The following RTN4 variants were observed in gnomAD, a reference collection of about 807,000 sequenced individuals.
The protein encoded by RTN4 is reticulon 4, also known as reticulon-4.
Under a neutral mutation model 90.4 loss-of-function variants are expected in RTN4, and 32 were observed. The ratio of observed to expected loss-of-function variants is 0.35; its 90% CI spans 0.27 to 0.48. The LOEUF is 0.48. Among genes scored for constraint, RTN4 ranks in the 20% least tolerant of loss-of-function variants. The pLI is 0.99. For synonymous variants in RTN4, 629 were observed against 552.5 expected, an observed-to-expected ratio of 1.14 and a Z score of -1.94; for missense variants, 1,706 against 1,430.2, an observed-to-expected ratio of 1.19 and a Z score of -3.11.
chr2:54,996,158 C>T (rs1343804855), intron 3 of RTN4, among the ~76,000 whole-genome samples: 3 of 152,028 alleles, frequency 2.0e-5, no homozygotes, highest in Non-Finnish European at 4.4e-5. Flanking sequence ...AAAAGAATTT[C>T]AAGACATATG....
chr2:55,092,534 C>T (rs1300499167), intron 1 of RTN4, among the ~76,000 whole-genome samples: 3 of 152,162 alleles, frequency 2.0e-5, no homozygotes, highest in East Asian at 1.9e-4. Flanking sequence ...GTGCCCGGCC[C>T]GAAGGAAGAG....
Position 55,026,114 on chromosome 2 carries a change from G to T in RTN4, c.1985C>A (p.Ala662Asp). Residue 662 changes from alanine to aspartate, a missense_variant, in exon 3 of 9, where the codon GCC becomes GAC. Ala to Asp is a moderately radical substitution (Grantham distance 126). Transcript: ENST00000337526. Reference protein sequence around the residue: ...EPENPPPYEEAMSVSLKKVSG... With the variant: ...EPENPPPYEEDMSVSLKKVSG... ...TACTTTTTTTAGTGATACACTCATG[G>T]CCTCTTCATATGGTGGGGGGTTTTC... 6.2e-7 allele frequency: 1 copy of T among 1,613,264 alleles called. No homozygotes were observed. Among genetic ancestry groups the T allele is most frequent in the Non-Finnish European group, 8.5e-7 (1 of 1,179,764 alleles).
At chr2:55,129,290 T>C in the RTN4 span, among the ~76,000 whole-genome samples, 2 of 151,554 alleles carry the variant, frequency 1.3e-5, no homozygotes, top group South Asian at 4.2e-4. Flanking sequence ...TTAGCAACCA[T>C]TAGTCTGGGC....
the RTN4 span, among the ~76,000 whole-genome samples, chr2:55,120,534 C>A: frequency 6.6e-6 from 1 of 152,018 alleles, no homozygotes; most frequent in Non-Finnish European, 1.5e-5. Context: ...AGTCAGAAGA[C>A]GAGCAGGAGA....
At chr2:55,096,250 C>T (rs1023273667) in intron 1 of RTN4, among the ~76,000 whole-genome samples, 3 of 151,826 alleles carry the variant, frequency 2.0e-5, no homozygotes, top group Admixed American at 6.6e-5. Flanking sequence ...CGCTTGAACC[C>T]GGGAGGCGGA....
At chr2:55,085,288 GGT>G (rs1260715390) in intron 1 of RTN4, among the ~76,000 whole-genome samples, 2 of 151,574 alleles carry the variant, frequency 1.3e-5, no homozygotes, top group African/African-American at 4.8e-5. Flanking sequence ...TGTGTGTGGG[GGT>G]GTGTGTGTAT....
At chr2:55,093,014 A>C (rs1284865515) in intron 1 of RTN4, among the ~76,000 whole-genome samples, 2 of 152,228 alleles carry the variant, frequency 1.3e-5, no homozygotes, top group East Asian at 3.8e-4. Context: ...CACTAATAAA[A>C]ATAACCATTG....
At chr2:54,986,985 TG>T (rs1678613291) in intron 4 of RTN4, among the ~76,000 whole-genome samples, 1 of 151,944 alleles carries the variant, frequency 6.6e-6, no homozygotes, top group East Asian at 1.9e-4. Flanking sequence ...AGATGATAGT[TG>T]AGAGACAAGG....
At chr2:55,060,524 A>G (rs1339600530) in intron 2 of RTN4, 1 of 152,264 alleles carries the variant, frequency 6.6e-6, no homozygotes, top group African/African-American at 2.4e-5. Flanking sequence ...ATATGCAAGG[A>G]GTGCTACTAT....
rs189884733 is a variant in RTN4, at chr2:54,974,274, G to A, written c.3431-407C>T. 4.9e-5 allele frequency: 12 copies of A among 243,966 alleles called. No individual in the cohort carries two copies. In the East Asian group the frequency reaches 6.6e-4, roughly 13 times the overall value. The allele number at this position is 243,966 out of a possible 1,614,324, so 15.1% of individuals were successfully genotyped here. On this transcript the variant is annotated intron_variant, in intron 6 of 8. Transcript: ENST00000337526. The stretch of plus-strand genomic sequence containing the variant: ...GCAGTATCACCAACTTATTTAAAGA[G>A]AATACAACCTCAAACTTATTTTGAG...
At position 55,010,232 on chromosome 2, in the gene RTN4, G is replaced by C; in HGVS notation, c.3013+14854C>G. On this transcript the variant is annotated intron_variant, in intron 3 of 8. Coordinates refer to ENST00000337526, the MANE Select transcript of RTN4 (RefSeq NM_020532.5). Reference sequence around the variant, plus strand: ...ACATGAAATACCCGTTTCCTCAACCGAAGTCTGCAGTCTCCTCTGCTGCAC... The same window carrying C: ...ACATGAAATACCCGTTTCCTCAACCCAAGTCTGCAGTCTCCTCTGCTGCAC... 3.2e-6 allele frequency: 5 copies of C among 1,574,924 alleles called. No homozygotes were observed. The South Asian group carries it at 4.6e-5, about 14-fold the overall frequency.
Position 55,050,244 on chromosome 2 carries a change from C to T in RTN4, c.57G>A (p.Pro19=). Residue 19 remains proline (P), a synonymous_variant, in exon 1 of 9, where the codon CCG becomes CCA. Coordinates refer to ENST00000337526, the MANE Select transcript of RTN4 (RefSeq NM_020532.5). This position sits in a 1 kb window ranked among gnomAD's most constrained non-coding sequence, Gnocchi z 4.6. ...CGAACTGGTACTTGAACGCGGGCTG[C>T]GGCCGGGGTGGGCTGTCCGAGGACG... ...LVSSSDSPPR[P]QPAFKYQFVR... is the part of the protein sequence containing the mutation. The T allele has an allele frequency of 1.3e-6, 2 of 1,543,496 alleles. No homozygotes were observed. Among genetic ancestry groups the T allele is most frequent in the Non-Finnish European group, 1.7e-6 (2 of 1,146,342 alleles).
intron 2 of RTN4, among the ~76,000 whole-genome samples, chr2:55,077,750 GTTTT>G (rs1668628125): frequency 1.2e-5 from 1 of 85,954 alleles, no homozygotes; most frequent in Non-Finnish European, 2.3e-5. Flanking sequence ...TAAAGAAAAT[GTTTT>G]ATACACACAC....
At chr2:55,053,624 T>C (rs1668135554), upstream of RTN4, among the ~76,000 whole-genome samples, 2 of 150,526 alleles carry the variant, frequency 1.3e-5, no homozygotes, top group African/African-American at 4.9e-5. Flanking sequence ...AGGCAGGGGT[T>C]GCAGTGAGCC....
chr2:55,117,732 A>G, the RTN4 span, among the ~76,000 whole-genome samples: 1 of 152,214 alleles, frequency 6.6e-6, no homozygotes, highest in Admixed American at 6.5e-5. Flanking sequence ...AGAATAGGCA[A>G]ACTACTCTGT....
chr2:55,129,972 T>C, the RTN4 span, among the ~76,000 whole-genome samples: 3,880 of 152,344 alleles, frequency 0.025, 165 homozygotes, highest in African/African-American at 0.089. Context: ...AAAATGTGCA[T>C]GCTCTTTGAT....
At chr2:55,049,310 G>T in intron 1 of RTN4, 1 of 301,062 alleles carries the variant, frequency 3.3e-6, no homozygotes, top group Non-Finnish European at 5.0e-6. Flanking sequence ...TTCCAAAGGA[G>T]CAACCCAGAC....
At position 55,027,028 on chromosome 2, in the gene RTN4, A is replaced by G; in HGVS notation, c.1071T>C (p.Asp357=). ...PTALTKLVKE[D]EVVSSEKAKD... ...TTGCTTTTTCTGAAGACACAACTTC[A>G]TCCTCTTTAACCAATTTAGTAAGAG... Residue 357 remains aspartate, a synonymous_variant, in exon 3 of 9, where the codon GAT becomes GAC. Transcript: ENST00000337526. The G allele has an allele frequency of 6.2e-7, 1 of 1,613,596 alleles. No homozygotes were observed. Among genetic ancestry groups the G allele is most frequent in the Non-Finnish European group, 8.5e-7 (1 of 1,179,872 alleles).
rs771002882 is a variant in RTN4 at position 55,026,773 on chromosome 2, A to G, written c.1326T>C (p.Asn442=). 31 of 1,613,782 alleles carry G rather than the reference A, an allele frequency of 1.9e-5. No homozygotes were observed. The South Asian group carries it at 3.2e-4, about 17-fold the overall frequency. Residue 442 remains asparagine (N), a synonymous_variant, in exon 3 of 9, where the codon AAT becomes AAC. Transcript: ENST00000337526. ...GCGTACTGGGGAAAGAAGTATCATC[A>G]TTACTACTCTCACTATCTTTTTCGT... is the stretch of plus-strand genomic sequence containing the variant. ...TNHEKDSESS[N]DDTSFPSTPE...
Sources: gnomAD v4.1 joint callset for allele counts (sites outside exome capture counted in the v4.1 genomes callset) on GRCh38, gnomAD v4.1.1 for gene constraint, Gnocchi (gnomAD v3.1) non-coding constraint, MANE v1.5 for transcripts, NCBI Gene and HGNC (gene_info 2026-07-23, HGNC 2026-07-21) for gene names.